Variants in AGO3 observed in about 807,000 individuals in gnomAD.
The protein encoded by AGO3 is protein argonaute-3.
AGO3 carries 16 observed loss-of-function variants against 105.5 expected under a neutral mutation model. That is an observed-to-expected ratio of 0.15 (90% confidence interval 0.10 to 0.23). The LOEUF is 0.23. AGO3 is among the 10% of genes least tolerant of loss of function. The probability of loss-of-function intolerance (pLI) is 1.00; values close to 1 mark genes in which losing one functional copy is unlikely to be tolerated. For synonymous variants in AGO3, 340 were observed against 367.3 expected (o/e 0.93, Z 0.85); for missense variants, 534 against 1,088.0 (o/e 0.49, Z 7.16).
At position 35,973,445 on chromosome 1, in the gene AGO3, G is replaced by A. The variant is rs1646903048; in HGVS notation, c.592G>A (p.Glu198Lys). The A allele has an allele frequency of 6.3e-7, 1 of 1,596,628 alleles. No individual in the cohort carries two copies. Among genetic ancestry groups the A allele is most frequent in the African/African-American group, 1.3e-5 (1 of 74,532 alleles). Reference sequence around the variant, plus strand: ...TGACCACCCTCTGGGAGGGGGCAGGGAAGTGTGGTTTGGATTCCATCAGTC... The same window carrying A: ...TGACCACCCTCTGGGAGGGGGCAGGAAAGTGTGGTTTGGATTCCATCAGTC... ...GYDHPLGGGREVWFGFHQSVR... is the reference protein window; with the variant it reads ...GYDHPLGGGRKVWFGFHQSVR... The change falls in exon 5 of 19, where the codon GAA becomes AAA. Residue 198 changes from glutamate (E) to lysine (K), a missense_variant. Glu to Lys is a moderately conservative substitution (Grantham distance 56, BLOSUM62 1). This residue lies in a region of AGO3 where 373 missense variants were observed against 854.0 expected (regional missense o/e 0.44). Coordinates refer to ENST00000373191, the MANE Select transcript of AGO3 (RefSeq NM_024852.4).
intron 1 of AGO3, among the ~76,000 whole-genome samples, chr1:35,942,415 G>A (rs929199672): frequency 2.0e-5 from 3 of 152,126 alleles, no homozygotes; most frequent in African/African-American, 7.2e-5. Context: ...TTGTATTGGG[G>A]TGTGTTTACT....
At chr1:35,982,735 T>C in intron 5 of AGO3, 3 of 697,054 alleles carry the variant, frequency 4.3e-6, no homozygotes, top group Non-Finnish European at 7.9e-6. Flanking sequence ...GATGGTCTAA[T>C]GTGGGATGGA....
chr1:36,022,185 C>T (rs1641267426), intron 11 of AGO3, among the ~76,000 whole-genome samples: 6 of 151,664 alleles, frequency 4.0e-5, no homozygotes, highest in Admixed American at 3.9e-4. Context: ...CTATGTCAGC[C>T]TCCCAAGTGG....
In AGO3 at chr1:36,006,273, G is replaced by C. The variant is rs139133786; in HGVS notation, c.793+1798G>C. On this transcript the variant is annotated intron_variant, in intron 6 of 18. Coordinates refer to ENST00000373191, the MANE Select transcript of AGO3 (RefSeq NM_024852.4). The stretch of plus-strand genomic sequence containing the variant: ...ATAATGACACAAAGTGTGCAATAAA[G>C]AATAGATTTTCTTAGTATATTCATC... Among the ~76,000 whole-genome samples, 188 of 152,104 alleles carry C rather than the reference G, an allele frequency of 1.2e-3. 2 individuals are homozygous for C. The highest frequency in any genetic ancestry group is 0.01 in the Admixed American group (157 of 15,266).
At chr1:35,990,451 T>A (rs1385242513) in intron 5 of AGO3, among the ~76,000 whole-genome samples, 1 of 152,148 alleles carries the variant, frequency 6.6e-6, no homozygotes, top group East Asian at 1.9e-4. Context: ...GAGCTTGCAG[T>A]GAGCCAAGAT....
chr1:36,031,463 ACT>A (rs1035279456), intron 12 of AGO3, among the ~76,000 whole-genome samples: 6 of 140,918 alleles, frequency 4.3e-5, no homozygotes, highest in African/African-American at 1.5e-4. Flanking sequence ...TGTTTGAGAA[ACT>A]CTTTATTTCT....
chr1:35,959,691 A>C (rs1646639236), intron 2 of AGO3, among the ~76,000 whole-genome samples: 1 of 152,146 alleles, frequency 6.6e-6, no homozygotes, highest in Admixed American at 6.6e-5. Flanking sequence ...CTATTGTTGT[A>C]ATAAAAGACT....
chr1:35,970,187 A>G (rs1646840186), intron 3 of AGO3, among the ~76,000 whole-genome samples: 1 of 152,230 alleles, frequency 6.6e-6, no homozygotes, highest in Non-Finnish European at 1.5e-5. Flanking sequence ...CTGCTGGGGT[A>G]TATGTGCTTC....
chr1:36,000,637 T>A (rs772433838), intron 5 of AGO3, among the ~76,000 whole-genome samples: 21 of 152,110 alleles, frequency 1.4e-4, no homozygotes, highest in Middle Eastern at 3.2e-3. Context: ...ATTTACTTTT[T>A]AAAAATTAAC....
At chr1:36,040,543 A>G in intron 16 of AGO3, 102 bp downstream of exon 16, 1 of 1,268,066 alleles carries the variant, frequency 7.9e-7, no homozygotes, top group Non-Finnish European at 1.1e-6. Flanking sequence ...GATTTCCAAT[A>G]TATAGTAGCA....
intron 16 of AGO3, among the ~76,000 whole-genome samples, chr1:36,042,373 T>C (rs1310482175): frequency 2.6e-5 from 4 of 152,156 alleles, no homozygotes; most frequent in Non-Finnish European, 5.9e-5. Context: ...GTGTGAGCCA[T>C]CACACCCAGC....
At chr1:35,980,070 A>T (rs1557662517) in intron 5 of AGO3, among the ~76,000 whole-genome samples, 1 of 151,918 alleles carries the variant, frequency 6.6e-6, no homozygotes, top group Admixed American at 6.6e-5. Flanking sequence ...TCTTAGGAAG[A>T]TTTTTCCCCC....
intron 2 of AGO3, among the ~76,000 whole-genome samples, chr1:35,946,952 G>C (rs527898815): frequency 1.1e-4 from 16 of 152,192 alleles, no homozygotes; most frequent in African/African-American, 3.6e-4. Context: ...ATTTAGTCAA[G>C]AACACATGTT....
At chr1:35,992,785 A>G (rs1647805567) in intron 5 of AGO3, among the ~76,000 whole-genome samples, 2 of 152,216 alleles carry the variant, frequency 1.3e-5, no homozygotes, top group Admixed American at 6.5e-5. Context: ...GTGACTCAAA[A>G]CAATAAACTA....
chr1:35,998,797 C>G (rs1422304872), intron 5 of AGO3, among the ~76,000 whole-genome samples: 2 of 151,836 alleles, frequency 1.3e-5, no homozygotes, highest in Non-Finnish European at 2.9e-5. Flanking sequence ...TTTATGGTGT[C>G]TTTTTTCTTA....
In AGO3 at chr1:36,066,113, G is replaced by C. The variant is rs1372262917; in HGVS notation, c.*10368G>C. The C allele has an allele frequency of 6.6e-6, 1 of 152,010 alleles. No individual in the cohort carries two copies. Among genetic ancestry groups the C allele is most frequent in the Non-Finnish European group, 1.5e-5 (1 of 68,026 alleles). The allele number at this position is 152,010 out of a possible 1,614,324, so 9.4% of individuals were successfully genotyped here. Reference sequence around the variant, plus strand: ...ATTGCCATGAACAGCGTTATGCGTAGAAAACAGATGGAAGTGTTGGTCATT... The same window carrying C: ...ATTGCCATGAACAGCGTTATGCGTACAAAACAGATGGAAGTGTTGGTCATT... On this transcript the variant is annotated 3_prime_UTR_variant, in exon 19 of 19. Coordinates refer to ENST00000373191, the MANE Select transcript of AGO3 (RefSeq NM_024852.4).
At chr1:35,987,897 G>A (rs759201057) in intron 5 of AGO3, among the ~76,000 whole-genome samples, 10 of 151,636 alleles carry the variant, frequency 6.6e-5, no homozygotes, top group Non-Finnish European at 1.0e-4. Context: ...GTGAAACCCC[G>A]TCTCTACTAA....
chr1:35,982,143 C>A (rs1647064456), intron 5 of AGO3, among the ~76,000 whole-genome samples: 1 of 152,086 alleles, frequency 6.6e-6, no homozygotes, highest in African/African-American at 2.4e-5. Context: ...GAAATAATTT[C>A]TAGGCTGGGT....
chr1:35,936,132 G>A lies in AGO3; in HGVS notation c.19+4687G>A, dbSNP rs1646141626. On this transcript the variant is annotated intron_variant, in intron 1 of 18. Transcript: ENST00000373191. Reference sequence around the variant, plus strand: ...CAGATGTGAGAAAGAATATTGTGTGGTTTTTCAGCCATAATGGTTATGCTG... The same window carrying A: ...CAGATGTGAGAAAGAATATTGTGTGATTTTTCAGCCATAATGGTTATGCTG... 2.0e-5 allele frequency among the ~76,000 whole-genome samples: 3 copies of A among 151,916 alleles called. No individual in the cohort carries two copies. The South Asian group carries it at 6.2e-4, about 32-fold the overall frequency.
Sources: allele counts gnomAD v4.1 joint callset (sites outside exome capture counted in the v4.1 genomes callset), GRCh38; gene constraint gnomAD v4.1.1; regional missense constraint gnomAD v4.1.1; transcripts MANE v1.5; gene names NCBI Gene and HGNC (gene_info 2026-07-23, HGNC 2026-07-21).